The following MCPH1 variants were observed in gnomAD, a reference collection of about 807,000 sequenced individuals.
MCPH1 encodes microcephalin 1.
In MCPH1, 104 loss-of-function variants were observed where a neutral mutation model predicts 84.5. The observed-to-expected ratio is 1.23, with a 90% CI of 1.05 to 1.45. The LOEUF is 1.45. Among genes scored for constraint, MCPH1 ranks in the 40% most tolerant of loss-of-function variants. The probability of loss-of-function intolerance (pLI) is 0.00; values close to 1 mark genes in which losing one functional copy is unlikely to be tolerated. For missense variants in MCPH1, 1,498 were observed against 1,005.7 expected (o/e 1.49, Z -6.62); for synonymous variants, 514 against 366.8 (o/e 1.40, Z -4.58).
chr8:6,499,927 C>T lies in MCPH1; in HGVS notation c.2212C>T (p.Pro738Ser), dbSNP rs577172057. The T allele has an allele frequency of 6.8e-6, 11 of 1,613,192 alleles. No individual in the cohort carries two copies. Among genetic ancestry groups the T allele is most frequent in the African/African-American group, 4.0e-5 (3 of 74,914 alleles). Reference sequence around the variant, plus strand: ...ACTGTCTCACCACTTCCCTGCAGCTCCCGTAAGTCAGATGTTGTTTTACGA... The same window carrying T: ...ACTGTCTCACCACTTCCCTGCAGCTTCCGTAAGTCAGATGTTGTTTTACGA... ...FELSHHFPAA[P>S]LCRSECHLSA... is the part of the protein sequence containing the mutation. Residue 738 changes from proline (P) to serine (S), a missense_variant and splice_region_variant, in exon 12 of 14, where the codon CCC becomes TCC. Transcript: ENST00000344683.
chr8:6,614,453 C>G (rs892633656), intron 12 of MCPH1, among the ~76,000 whole-genome samples: 1 of 152,224 alleles, frequency 6.6e-6, no homozygotes, highest in African/African-American at 2.4e-5. Context: ...GTACTGCCTC[C>G]TGGAAAAAGC....
intron 11 of MCPH1, chr8:6,494,286 G>C (rs1810995372): frequency 6.6e-6 from 1 of 152,148 alleles, no homozygotes; most frequent in African/African-American, 2.4e-5. Context: ...TCAATTCATA[G>C]CCCACATTCT....
chr8:6,645,801 T>C lies in MCPH1; in HGVS notation c.*2752T>C, dbSNP rs1798191386. 1 of 151,948 alleles carries C rather than the reference T, an allele frequency of 6.6e-6. No homozygotes were observed. Among genetic ancestry groups the C allele is most frequent in the East Asian group, 1.9e-4 (1 of 5,188 alleles). 9.4% of individuals were successfully genotyped at this position (151,948 alleles called of 1,614,324 possible). ...AAATTGCATCTAAAAATAAACAAAA[T>C]AGGAATAGACTTGGCAACAGTTGTA... On this transcript the variant is annotated 3_prime_UTR_variant, in exon 14 of 14. Coordinates refer to ENST00000344683, the MANE Select transcript of MCPH1 (RefSeq NM_024596.5).
At chr8:6,623,362 C>G (rs1042468107) in intron 13 of MCPH1, among the ~76,000 whole-genome samples, 2 of 152,188 alleles carry the variant, frequency 1.3e-5, no homozygotes, top group Non-Finnish European at 1.5e-5. Context: ...CAATCTCTCT[C>G]TCTCTCTCCT....
In MCPH1 at chr8:6,602,522, G is replaced by T. The variant is rs114496361; in HGVS notation, c.2215-18932G>T. On this transcript the variant is annotated intron_variant, in intron 12 of 13. Transcript: ENST00000344683. ...GAATGGATGGAAGGGAGGGTGTGGG[G>T]CTGAGTGGCGGCGGCTGGGCTGTGC... Among the ~76,000 whole-genome samples, 1,055 of 152,186 alleles carry T rather than the reference G, an allele frequency of 6.9e-3. 11 individuals are homozygous for T. Among genetic ancestry groups the T allele is most frequent in the African/African-American group, 0.024 (1,014 of 41,510 alleles).
chr8:6,480,932 T>A, intron 11 of MCPH1, 56 bp downstream of exon 11: 1 of 1,596,550 alleles, frequency 6.3e-7, no homozygotes, highest in Non-Finnish European at 8.5e-7. Context: ...ATAGAGTGGG[T>A]CACCCTGAGG....
At chr8:6,639,228 G>A (rs887564374) in intron 13 of MCPH1, among the ~76,000 whole-genome samples, 4 of 152,164 alleles carry the variant, frequency 2.6e-5, no homozygotes, top group African/African-American at 9.7e-5. Flanking sequence ...TGGGTGGATG[G>A]AGTGATATTT....
chr8:6,506,409 G>C (rs1813739063), intron 12 of MCPH1, among the ~76,000 whole-genome samples: 1 of 151,948 alleles, frequency 6.6e-6, no homozygotes. Context: ...TACATTCTCA[G>C]TCCCTAAATC....
chr8:6,513,754 G>A (rs1815675696), intron 12 of MCPH1: 2 of 1,613,808 alleles, frequency 1.2e-6, no homozygotes, highest in Non-Finnish European at 8.5e-7. Flanking sequence ...CAGTCTTTAA[G>A]GTGTATTTTA....
intron 3 of MCPH1, among the ~76,000 whole-genome samples, chr8:6,418,332 T>A (rs1305975960): frequency 2.0e-5 from 3 of 152,184 alleles, no homozygotes; most frequent in Non-Finnish European, 1.5e-5. Flanking sequence ...TTTTAAAATT[T>A]GCCTGTTCTT....
chr8:6,513,727 A>G (rs781095475), intron 12 of MCPH1: 5 of 1,613,834 alleles, frequency 3.1e-6, no homozygotes, highest in Admixed American at 3.3e-5. Context: ...TACAATGAGT[A>G]AGCCTCATTC....
At chr8:6,602,163 G>T (rs1325618536) in intron 12 of MCPH1, among the ~76,000 whole-genome samples, 1 of 152,238 alleles carries the variant, frequency 6.6e-6, no homozygotes, top group Non-Finnish European at 1.5e-5. Flanking sequence ...AGGAAAACCA[G>T]TGTCCTTGAG....
intron 3 of MCPH1, among the ~76,000 whole-genome samples, chr8:6,418,568 T>C (rs1293216837): frequency 6.6e-6 from 1 of 152,162 alleles, no homozygotes; most frequent in African/African-American, 2.4e-5. Context: ...TGGAGACTCC[T>C]TAGGGATATT....
At chr8:6,630,901 A>T (rs754633270) in intron 13 of MCPH1, among the ~76,000 whole-genome samples, 1 of 152,252 alleles carries the variant, frequency 6.6e-6, no homozygotes, top group Non-Finnish European at 1.5e-5. Context: ...CCAGCCACTA[A>T]AAAGGCACCT....
chr8:6,519,163 G>A (rs913475952), intron 12 of MCPH1, among the ~76,000 whole-genome samples: 1 of 152,198 alleles, frequency 6.6e-6, no homozygotes, highest in Non-Finnish European at 1.5e-5. Flanking sequence ...TGCGTTAGAT[G>A]AGGTTAGAAT....
chr8:6,594,830 G>A (rs1828799068), intron 12 of MCPH1, among the ~76,000 whole-genome samples: 1 of 152,174 alleles, frequency 6.6e-6, no homozygotes, highest in Non-Finnish European at 1.5e-5. Flanking sequence ...CATGTGGAAA[G>A]ACCTGCCCTC....
chr8:6,561,866 G>A (rs768732146), intron 12 of MCPH1, among the ~76,000 whole-genome samples: 10 of 152,168 alleles, frequency 6.6e-5, no homozygotes, highest in Non-Finnish European at 1.0e-4. Context: ...GAAACAGTGG[G>A]ATCATCTGTG....
rs879490232 is a variant in MCPH1 at position 6,457,582 on chromosome 8, G to T, written c.1935+2330G>T. 7.2e-5 allele frequency among the ~76,000 whole-genome samples: 11 copies of T among 152,208 alleles called. No individual in the cohort carries two copies. In the South Asian group the frequency reaches 1.5e-3, roughly 20 times the overall value. ...ATCATGCCACTGCACTCCAGCCTGG[G>T]CGACAGAGTGAGACTCTGTCTCAAA... On this transcript the variant is annotated intron_variant, in intron 9 of 13. Transcript: ENST00000344683.
intron 13 of MCPH1, among the ~76,000 whole-genome samples, chr8:6,632,536 G>A (rs1474027097): frequency 9.9e-5 from 15 of 152,278 alleles, no homozygotes; most frequent in African/African-American, 1.9e-4. Flanking sequence ...GAGGCTGAGC[G>A]CAGTGACTCA....
Sources: allele counts gnomAD v4.1 joint callset (sites outside exome capture counted in the v4.1 genomes callset), GRCh38; gene constraint gnomAD v4.1.1; transcripts MANE v1.5; gene names NCBI Gene and HGNC (gene_info 2026-07-23, HGNC 2026-07-21).